PRKCB: variants seen among roughly 807,000 people sequenced by gnomAD.
PRKCB encodes protein kinase C beta type.
A neutral mutation model predicts 81.5 loss-of-function variants in PRKCB; 13 were observed. That is an observed-to-expected ratio of 0.16 (90% CI 0.10 to 0.25). PRKCB has a LOEUF of 0.25. Ranked by LOEUF, PRKCB falls within the 10% of genes least tolerant of loss-of-function variation. PRKCB has a pLI of 1.00. For missense variants in PRKCB, 509 were observed against 875.7 expected (o/e 0.58, Z 5.29); for synonymous variants, 335 against 321.4 (o/e 1.04, Z -0.45).
intron 1 of PRKCB, 39 bp from the exon 2 acceptor site, chr16:23,837,336 C>G (rs1434584199): frequency 6.2e-7 from 1 of 1,612,814 alleles, no homozygotes; most frequent in African/African-American, 1.3e-5. Flanking sequence ...GGCTGGGCCC[C>G]CCGGGCTGCC....
At chr16:23,882,878 G>T (rs1037412383) in intron 2 of PRKCB, among the ~76,000 whole-genome samples, 2 of 151,248 alleles carry the variant, frequency 1.3e-5, no homozygotes, top group Non-Finnish European at 2.9e-5. Context: ...GTGAACTACT[G>T]CACCTGGCTG....
intron 2 of PRKCB, among the ~76,000 whole-genome samples, chr16:23,886,766 A>G (rs561298945): frequency 1.3e-5 from 2 of 152,152 alleles, no homozygotes; most frequent in East Asian, 3.9e-4. Context: ...GTATGGGCCT[A>G]TCATCATTTT....
intron 2 of PRKCB, among the ~76,000 whole-genome samples, chr16:23,974,713 A>C (rs889518298): frequency 6.7e-4 from 102 of 152,254 alleles, no homozygotes; most frequent in African/African-American, 2.2e-3. Context: ...ATTTGTAAGC[A>C]CACAAAAGAA....
At chr16:24,079,206 C>T (rs2141891173) in intron 5 of PRKCB, among the ~76,000 whole-genome samples, 1 of 152,328 alleles carries the variant, frequency 6.6e-6, no homozygotes, top group South Asian at 2.1e-4. Context: ...ATAATCCCAT[C>T]ATCCTTTGCT....
chr16:23,906,584 C>G (rs1467913528), intron 2 of PRKCB, among the ~76,000 whole-genome samples: 1 of 152,154 alleles, frequency 6.6e-6, no homozygotes, highest in Non-Finnish European at 1.5e-5. Flanking sequence ...AGAAAGGCCT[C>G]TTACTCAATG....
intron 8 of PRKCB, 84 bp from the exon 9 acceptor site, chr16:24,123,751 A>T: frequency 6.9e-7 from 1 of 1,440,252 alleles, no homozygotes. Context: ...TGCAGGAACT[A>T]CAGCTTCCCA....
chr16:24,215,980 A>G lies in PRKCB; in HGVS notation c.*1164A>G, dbSNP rs1968221009. 1 of 972,988 alleles carries G rather than the reference A, an allele frequency of 1.0e-6. No individual in the cohort carries two copies. Among genetic ancestry groups the G allele is most frequent in the Non-Finnish European group, 1.2e-6 (1 of 824,868 alleles). 60.3% of individuals were successfully genotyped at this position (972,988 alleles called of 1,614,324 possible). On this transcript the variant is annotated 3_prime_UTR_variant, in exon 17 of 17. Coordinates refer to ENST00000643927, the MANE Select transcript of PRKCB (RefSeq NM_002738.7). ...GTGCCATTTTTCTTCTAGCATCGAGATACAATAAAAAAAAAAAAAAAGAAA... is the reference window on the plus strand; with the variant it reads ...GTGCCATTTTTCTTCTAGCATCGAGGTACAATAAAAAAAAAAAAAAAGAAA...
chr16:24,040,742 G>A (rs960260415), intron 5 of PRKCB, among the ~76,000 whole-genome samples: 1 of 152,170 alleles, frequency 6.6e-6, no homozygotes, highest in Admixed American at 6.5e-5. Flanking sequence ...GGAAATGAAG[G>A]TCAACGGATT....
intron 3 of PRKCB, among the ~76,000 whole-genome samples, chr16:23,991,989 G>A (rs562429774): frequency 1.1e-3 from 172 of 152,344 alleles, no homozygotes; most frequent in African/African-American, 3.8e-3. Flanking sequence ...CCCCTTGGGA[G>A]GTGATCAGTT....
chr16:23,864,518 AC>A (rs1245955434), intron 2 of PRKCB, among the ~76,000 whole-genome samples: 1 of 152,190 alleles, frequency 6.6e-6, no homozygotes, highest in East Asian at 1.9e-4. Context: ...CAGATAATAA[AC>A]AAGATTACAA....
intron 4 of PRKCB, among the ~76,000 whole-genome samples, chr16:24,032,887 C>A (rs1266854672): frequency 6.6e-6 from 1 of 152,244 alleles, no homozygotes; most frequent in Admixed American, 6.5e-5. Flanking sequence ...GGCATTTCTG[C>A]AGCCATGCAC....
chr16:24,170,956 T>A (rs1967432258), intron 10 of PRKCB, among the ~76,000 whole-genome samples: 2 of 152,142 alleles, frequency 1.3e-5, no homozygotes, highest in Non-Finnish European at 2.9e-5. Context: ...GGACACAGAT[T>A]TTTTTTTGTC....
intron 2 of PRKCB, among the ~76,000 whole-genome samples, chr16:23,933,180 C>T (rs1306484485): frequency 1.3e-5 from 2 of 152,170 alleles, no homozygotes; most frequent in Non-Finnish European, 2.9e-5. Context: ...CAGTTTGGGT[C>T]ATGTAGGAAA....
chr16:24,129,264 A>G (rs1966849512), intron 9 of PRKCB, among the ~76,000 whole-genome samples: 1 of 152,062 alleles, frequency 6.6e-6, no homozygotes, highest in African/African-American at 2.4e-5. Flanking sequence ...TTGCCTATGG[A>G]TGGAACTGAG....
intron 2 of PRKCB, among the ~76,000 whole-genome samples, chr16:23,950,514 G>A (rs1964266683): frequency 6.6e-6 from 1 of 152,238 alleles, no homozygotes; most frequent in African/African-American, 2.4e-5. Context: ...TACTGCCGTG[G>A]ACAAGCTGTG....
At chr16:24,121,404 T>G (rs886612398) in intron 8 of PRKCB, among the ~76,000 whole-genome samples, 1 of 152,150 alleles carries the variant, frequency 6.6e-6, no homozygotes, top group Non-Finnish European at 1.5e-5. Context: ...TATGACAGAG[T>G]CTTGCTCTGT....
rs542660110 is a variant in PRKCB, at chr16:24,158,519, T to C, written c.1239+3662T>C. Among the ~76,000 whole-genome samples the C allele has an allele frequency of 2.0e-3, 306 of 151,704 alleles. 2 individuals carry two copies. The highest frequency in any genetic ancestry group is 7.1e-3 in the African/African-American group (295 of 41,282). On this transcript the variant is annotated intron_variant, in intron 10 of 16. Transcript: ENST00000643927. ...TAATTGCTATGCTCTGAGATCTTTT[T>C]AAAAAAACATGTATATGTATAAGTA...
chr16:24,025,110 C>T (rs553015851), intron 3 of PRKCB, among the ~76,000 whole-genome samples: 2 of 152,212 alleles, frequency 1.3e-5, no homozygotes, highest in Non-Finnish European at 2.9e-5. Context: ...CAATGTTTCC[C>T]TGCAACTTGC....
intron 2 of PRKCB, among the ~76,000 whole-genome samples, chr16:23,865,809 G>A (rs1168670508): frequency 6.6e-6 from 1 of 151,662 alleles, no homozygotes. Context: ...GGGATGCAAG[G>A]AGCTGAGTGA....
Sources: gnomAD v4.1 joint callset for allele counts (sites outside exome capture counted in the v4.1 genomes callset) on GRCh38, gnomAD v4.1.1 for gene constraint, MANE v1.5 for transcripts, NCBI Gene and HGNC (gene_info 2026-07-23, HGNC 2026-07-21) for gene names.